The following ABCC8 variants were observed in gnomAD, a reference collection of about 807,000 sequenced individuals.
ABCC8 encodes the protein ATP binding cassette subfamily C member 8.
Under a neutral mutation model 188.0 loss-of-function variants are expected in ABCC8, and 137 were observed. The ratio of observed to expected loss-of-function variants is 0.73; its 90% CI spans 0.63 to 0.84. The LOEUF is 0.84. Among genes scored for constraint, ABCC8 ranks in the 40% least tolerant of loss-of-function variants. The probability of loss-of-function intolerance (pLI) is 0.00; values close to 1 mark genes in which losing one functional copy is unlikely to be tolerated. For missense variants in ABCC8, 1,750 were observed against 2,072.7 expected (o/e 0.84, Z 3.02); for synonymous variants, 797 against 846.5 (o/e 0.94, Z 1.01).
intron 17 of ABCC8, among the ~76,000 whole-genome samples, chr11:17,415,912 G>A (rs1955051459): frequency 6.6e-6 from 1 of 152,238 alleles, no homozygotes; most frequent in Non-Finnish European, 1.5e-5. Context: ...TGCCAGGGAT[G>A]TCAGGTGCAG....
chr11:17,399,582 G>C (rs1954130515), intron 29 of ABCC8, among the ~76,000 whole-genome samples: 1 of 152,146 alleles, frequency 6.6e-6, no homozygotes, highest in African/African-American at 2.4e-5. Context: ...GCTCTTCCTG[G>C]CTACTACCTT....
intron 10 of ABCC8, among the ~76,000 whole-genome samples, chr11:17,433,095 A>T (rs1955921027): frequency 6.6e-6 from 1 of 152,152 alleles, no homozygotes; most frequent in Non-Finnish European, 1.5e-5. Context: ...ATGGGCTACT[A>T]GCTTAGCCCT....
chr11:17,463,660 C>A, intron 3 of ABCC8, 56 bp from the exon 4 acceptor site: 5 of 1,550,728 alleles, frequency 3.2e-6, no homozygotes, highest in Non-Finnish European at 4.4e-6. Flanking sequence ...TGTGTACACT[C>A]ACATAATGTG....
chr11:17,411,891 C>CT (rs1262103548), intron 21 of ABCC8, among the ~76,000 whole-genome samples: 17,961 of 122,940 alleles, frequency 0.15, 1,909 homozygotes, highest in African/African-American at 0.27. Context: ...CGAATACGTT[C>CT]TTTTTTTTTT....
rs1022337682 is a variant in ABCC8, at chr11:17,476,708, G to C, written c.69C>G (p.Asn23Lys). The C allele has an allele frequency of 6.2e-7, 1 of 1,611,400 alleles. No homozygotes were observed. The highest frequency in any genetic ancestry group is 8.5e-7 in the Non-Finnish European group (1 of 1,178,942). ...TGAGCGCGTCCACAAAGCAGCCGTT[G>C]TTGAGGACCCCCTGGTCCACCCGGT... ...AAYRVDQGVL[N>K]NGCFVDALNV... is the part of the protein sequence containing the mutation. The change falls in exon 1 of 39, where the codon AAC becomes AAG. Residue 23 changes from asparagine to lysine, a missense_variant. Physicochemically the swap from Asn to Lys is moderately conservative, Grantham distance 94 (BLOSUM62 0). Transcript: ENST00000389817.
Position 17,410,500 on chromosome 11 carries a change from C to T in ABCC8, c.2694+16G>A. 6.2e-7 allele frequency: 1 copy of T among 1,614,078 alleles called. No homozygotes were observed. The highest frequency in any genetic ancestry group is 8.5e-7 in the Non-Finnish European group (1 of 1,179,964). ...AGCCCTGCCCCCTATAGCCTGACCCCCTTGTTCCCCCTCACCCAGTCTGCA... is the reference window on the plus strand; with the variant it reads ...AGCCCTGCCCCCTATAGCCTGACCCTCTTGTTCCCCCTCACCCAGTCTGCA... On this transcript the variant is annotated intron_variant, in intron 22 of 38. Transcript: ENST00000389817.
intron 3 of ABCC8, among the ~76,000 whole-genome samples, chr11:17,464,067 T>G (rs896865755): frequency 3.3e-4 from 51 of 152,308 alleles, no homozygotes; most frequent in African/African-American, 1.2e-3. Flanking sequence ...ACACACCCAT[T>G]AACTGGCAGA....
At chr11:17,414,687 G>C in intron 18 of ABCC8, 77 bp from the exon 19 acceptor site, 2 of 1,600,300 alleles carry the variant, frequency 1.2e-6, no homozygotes, top group Non-Finnish European at 1.7e-6. Context: ...TTGTCAAGCT[G>C]ATGGCTCAGA....
At chr11:17,421,034 C>T (rs111646907) in intron 16 of ABCC8, among the ~76,000 whole-genome samples, 4,703 of 152,264 alleles carry the variant, frequency 0.031, 244 homozygotes, top group African/African-American at 0.1. Flanking sequence ...GGGACAAGCT[C>T]GGGGCTGCAT....
chr11:17,425,901 G>T (rs1038183773), intron 16 of ABCC8, among the ~76,000 whole-genome samples: 1 of 132,186 alleles, frequency 7.6e-6, no homozygotes, highest in Non-Finnish European at 1.5e-5. Context: ...TGTTCTCATT[G>T]TTCAACTCCC....
chr11:17,431,765 C>A (rs1245574671), intron 11 of ABCC8, among the ~76,000 whole-genome samples: 1 of 152,168 alleles, frequency 6.6e-6, no homozygotes, highest in Non-Finnish European at 1.5e-5. Context: ...GCATGCATAG[C>A]ACATTCCTAT....
At chr11:17,459,183 G>A (rs929890876) in intron 6 of ABCC8, among the ~76,000 whole-genome samples, 1 of 152,156 alleles carries the variant, frequency 6.6e-6, no homozygotes, top group Admixed American at 6.5e-5. Flanking sequence ...AAACTGTACA[G>A]TATTTGAGGT....
At chr11:17,402,060 G>C (rs1954272408) in intron 29 of ABCC8, among the ~76,000 whole-genome samples, 3 of 152,252 alleles carry the variant, frequency 2.0e-5, no homozygotes, top group Admixed American at 6.5e-5. Flanking sequence ...CTGCAGGGCA[G>C]CGGCTTATTT....
rs756765109 is a variant in ABCC8 at position 17,463,612 on chromosome 11, G to A, written c.413-8C>T. On this transcript the variant is annotated splice_region_variant and splice_polypyrimidine_tract_variant and intron_variant, in intron 3 of 38. Coordinates refer to ENST00000389817, the MANE Select transcript of ABCC8 (RefSeq NM_000352.6). Reference sequence around the variant, plus strand: ...TCCAATACACCAGCAGGGCTGCCGAGGAGAGATGGAAGATCGCAGAGACGT... The same window carrying A: ...TCCAATACACCAGCAGGGCTGCCGAAGAGAGATGGAAGATCGCAGAGACGT... The A allele has an allele frequency of 2.0e-5, 31 of 1,568,076 alleles. No homozygotes were observed. Among genetic ancestry groups the A allele is most frequent in the Non-Finnish European group, 2.6e-5 (30 of 1,155,970 alleles).
chr11:17,426,899 G>T, intron 16 of ABCC8, 150 bp downstream of exon 16: 1 of 839,620 alleles, frequency 1.2e-6, no homozygotes, highest in Non-Finnish European at 1.8e-6. Context: ...ACGTACTAGT[G>T]ATGATGATGA....
intron 6 of ABCC8, among the ~76,000 whole-genome samples, chr11:17,456,294 T>C (rs1956994384): frequency 6.6e-6 from 1 of 152,214 alleles, no homozygotes; most frequent in Non-Finnish European, 1.5e-5. Context: ...CCCCATGTAC[T>C]TTCTACAGAA....
intron 6 of ABCC8, 141 bp from the exon 7 acceptor site, chr11:17,453,424 G>A (rs1393664770): frequency 8.4e-7 from 1 of 1,183,910 alleles, no homozygotes; most frequent in African/African-American, 1.5e-5. Flanking sequence ...AATTGTTTAT[G>A]AGTGAAAAAT....
At chr11:17,424,708 A>G (rs964651475) in intron 16 of ABCC8, among the ~76,000 whole-genome samples, 1 of 152,194 alleles carries the variant, frequency 6.6e-6, no homozygotes, top group African/African-American at 2.4e-5. Context: ...CCTGCCTTGG[A>G]GGAGAGCCCA....
At position 17,476,780 on chromosome 11, in the gene ABCC8, G is replaced by T; in HGVS notation, c.-4C>A. ...TGCCGCAGAAGGCCAGGGGCATGGC[G>T]GCGCGGGCGCGGGCTGGGCTCGGGC... On this transcript the variant is annotated 5_prime_UTR_variant, in exon 1 of 39. Transcript: ENST00000389817. The T allele has an allele frequency of 6.5e-7, 1 of 1,547,684 alleles. No individual in the cohort carries two copies. The highest frequency in any genetic ancestry group is 8.7e-7 in the Non-Finnish European group (1 of 1,146,882).
Sources: gnomAD v4.1 joint callset for allele counts (sites outside exome capture counted in the v4.1 genomes callset) on GRCh38, gnomAD v4.1.1 for gene constraint, MANE v1.5 for transcripts, NCBI Gene and HGNC (gene_info 2026-07-23, HGNC 2026-07-21) for gene names.